The following ASTN2 variants were observed in gnomAD, a reference collection of about 807,000 sequenced individuals.
ASTN2 encodes astrotactin 2.
Under a neutral mutation model 139.8 loss-of-function variants are expected in ASTN2, and 54 were observed. The ratio of observed to expected loss-of-function variants is 0.39; its 90% CI spans 0.31 to 0.48. The LOEUF (loss-of-function observed/expected upper bound fraction) is 0.48. Among genes scored for constraint, ASTN2 ranks in the 20% least tolerant of loss-of-function variants. ASTN2 has a pLI of 0.95. For missense variants in ASTN2, 1,565 were observed against 1,725.1 expected (o/e 0.91, Z 1.64); for synonymous variants, 756 against 719.5 (o/e 1.05, Z -0.81).
chr9:116,487,016 G>T (rs1357201819), intron 20 of ASTN2, among the ~76,000 whole-genome samples: 2 of 152,100 alleles, frequency 1.3e-5, no homozygotes, highest in African/African-American at 2.4e-5. Flanking sequence ...AGAGGTAAAA[G>T]ATCACTAGGC....
At chr9:116,823,108 C>T (rs924625479) in intron 11 of ASTN2, among the ~76,000 whole-genome samples, 17 of 152,332 alleles carry the variant, frequency 1.1e-4, no homozygotes, top group African/African-American at 4.1e-4. Context: ...CAAATGCCAG[C>T]ACCTTGATTT....
chr9:116,737,368 C>T (rs1828955243), intron 13 of ASTN2, among the ~76,000 whole-genome samples: 1 of 152,084 alleles, frequency 6.6e-6, no homozygotes, highest in Non-Finnish European at 1.5e-5. Context: ...CAGAACCCAC[C>T]CACCTGGGAG....
At chr9:116,789,456 A>G (rs1290019036) in intron 13 of ASTN2, among the ~76,000 whole-genome samples, 1 of 152,192 alleles carries the variant, frequency 6.6e-6, no homozygotes, top group Non-Finnish European at 1.5e-5. Flanking sequence ...TTGGACTCTT[A>G]AAAGCCACCT....
At chr9:116,671,198 C>T (rs1040783826) in intron 16 of ASTN2, among the ~76,000 whole-genome samples, 3 of 151,918 alleles carry the variant, frequency 2.0e-5, no homozygotes, top group South Asian at 4.2e-4. Flanking sequence ...ATTATAGATA[C>T]GTATTAACAG....
At chr9:117,037,296 T>C (rs941628085) in intron 6 of ASTN2, among the ~76,000 whole-genome samples, 1 of 151,470 alleles carries the variant, frequency 6.6e-6, no homozygotes, top group Non-Finnish European at 1.5e-5. Flanking sequence ...TCCTTCCAAA[T>C]CATCAAGACG....
chr9:116,913,819 G>T (rs189765228), intron 10 of ASTN2, among the ~76,000 whole-genome samples: 1 of 151,872 alleles, frequency 6.6e-6, no homozygotes, highest in African/African-American at 2.4e-5. Context: ...GTGAGAAGGT[G>T]AGTGGAGCCA....
At chr9:116,607,669 TAACACACAC>T (rs1855277791) in intron 19 of ASTN2, among the ~76,000 whole-genome samples, 1 of 108,870 alleles carries the variant, frequency 9.2e-6, no homozygotes, top group African/African-American at 3.5e-5. Context: ...ATTAAGAAAT[TAACACACAC>T]ACACACACAC....
chr9:117,066,958 C>T (rs1397870605), intron 5 of ASTN2, among the ~76,000 whole-genome samples: 1 of 111,034 alleles, frequency 9.0e-6, no homozygotes, highest in Non-Finnish European at 1.8e-5. Context: ...TTGTAGGTTG[C>T]CTGTTCACTC....
At chr9:116,925,879 C>T (rs1834742155) in intron 10 of ASTN2, among the ~76,000 whole-genome samples, 1 of 152,058 alleles carries the variant, frequency 6.6e-6, no homozygotes, top group African/African-American at 2.4e-5. Flanking sequence ...CACACACACA[C>T]ACACACACAC....
At chr9:116,702,158 G>C (rs184312771) in intron 16 of ASTN2, among the ~76,000 whole-genome samples, 1 of 152,100 alleles carries the variant, frequency 6.6e-6, no homozygotes, top group Admixed American at 6.5e-5. Context: ...CCTTGGGCAA[G>C]TCATTTAACT....
chr9:116,733,819 C>T (rs192244354), intron 13 of ASTN2, among the ~76,000 whole-genome samples: 1 of 152,286 alleles, frequency 6.6e-6, no homozygotes, highest in East Asian at 1.9e-4. Context: ...AGACTCAGAT[C>T]TAAGGGCTGT....
chr9:117,055,080 G>C (rs1323970760), intron 5 of ASTN2, among the ~76,000 whole-genome samples: 1 of 152,198 alleles, frequency 6.6e-6, no homozygotes, highest in Non-Finnish European at 1.5e-5. Context: ...TATGTGGCCA[G>C]GTTCCTAACA....
At chr9:116,582,902 T>C (rs937513399) in intron 19 of ASTN2, 1 of 152,372 alleles carries the variant, frequency 6.6e-6, no homozygotes, top group African/African-American at 2.4e-5. Flanking sequence ...GTCCCTGTCT[T>C]GTCTCCTCTC....
intron 17 of ASTN2, among the ~76,000 whole-genome samples, chr9:116,632,283 A>T (rs1249773665): frequency 6.7e-6 from 1 of 150,062 alleles, no homozygotes; most frequent in Non-Finnish European, 1.5e-5. Context: ...GAAAGAAAGA[A>T]AGATCACAAG....
Position 116,424,880 on chromosome 9 carries a change from T to G in ASTN2, c.*971A>C, listed in dbSNP as rs1269291816. Among the ~76,000 whole-genome samples the G allele has an allele frequency of 2.0e-5, 3 of 152,160 alleles. No individual in the cohort carries two copies. Among genetic ancestry groups the G allele is most frequent in the Non-Finnish European group, 4.4e-5 (3 of 68,022 alleles). ...CTAGGATTACAGGCATGAGCCACTG[T>G]GCCTGGCAAGCAAATCCCATCTTTT... On this transcript the variant is annotated 3_prime_UTR_variant, in exon 23 of 23. Coordinates refer to ENST00000313400, the MANE Select transcript of ASTN2 (RefSeq NM_001365068.1).
chr9:116,524,721 G>C (rs1851017844), intron 19 of ASTN2, among the ~76,000 whole-genome samples: 1 of 152,166 alleles, frequency 6.6e-6, no homozygotes, highest in African/African-American at 2.4e-5. Context: ...TTTCTGATCT[G>C]CTGGGATGTG....
At chr9:117,078,877 A>T (rs577177502) in intron 5 of ASTN2, among the ~76,000 whole-genome samples, 1 of 152,266 alleles carries the variant, frequency 6.6e-6, no homozygotes, top group East Asian at 1.9e-4. Context: ...CTGGGATTAC[A>T]GGTATGGGCC....
At chr9:117,406,577 A>T (rs1830996108) in intron 1 of ASTN2, among the ~76,000 whole-genome samples, 1 of 151,992 alleles carries the variant, frequency 6.6e-6, no homozygotes, top group African/African-American at 2.4e-5. Context: ...AAGCTAGATA[A>T]TCAGCTAGGA....
At chr9:116,560,679 G>A (rs1852858270) in intron 19 of ASTN2, among the ~76,000 whole-genome samples, 1 of 152,142 alleles carries the variant, frequency 6.6e-6, no homozygotes, top group Non-Finnish European at 1.5e-5. Flanking sequence ...AGTGCCATGT[G>A]GTCAGAGCTA....
Sources: allele counts gnomAD v4.1 joint callset (sites outside exome capture counted in the v4.1 genomes callset), GRCh38; gene constraint gnomAD v4.1.1; transcripts MANE v1.5; gene names NCBI Gene and HGNC (gene_info 2026-07-23, HGNC 2026-07-21).